Variants in CFAP44 observed in about 807,000 individuals in gnomAD.
The protein encoded by CFAP44 is cilia and flagella associated protein 44, also known as cilia- and flagella-associated protein 44.
Under a neutral mutation model 216.2 loss-of-function variants are expected in CFAP44, and 134 were observed. That is an observed-to-expected ratio of 0.62 (90% confidence interval 0.54 to 0.72). The LOEUF is 0.72. Among genes scored for constraint, CFAP44 ranks in the 30% least tolerant of loss-of-function variants. The pLI is 0.00. For synonymous variants in CFAP44, 700 were observed against 727.6 expected, an observed-to-expected ratio of 0.96 and a Z score of 0.61; for missense variants, 2,035 against 2,182.1, an observed-to-expected ratio of 0.93 and a Z score of 1.34.
intron 28 of CFAP44, among the ~76,000 whole-genome samples, chr3:113,324,015 G>T (rs1418285453): frequency 2.8e-5 from 4 of 143,476 alleles, no homozygotes; most frequent in African/African-American, 1.1e-4. Flanking sequence ...CCGCACTCCA[G>T]CCTGGTGACA....
At chr3:113,353,590 T>C (rs938119945) in intron 22 of CFAP44, among the ~76,000 whole-genome samples, 3 of 152,156 alleles carry the variant, frequency 2.0e-5, no homozygotes, top group African/African-American at 7.2e-5. Flanking sequence ...ACCACTTTCA[T>C]CTTTTAGCAG....
rs1186000006 is a variant in CFAP44 at position 113,292,898 on chromosome 3, A to C, written c.5374-1150T>G. 2.0e-5 allele frequency among the ~76,000 whole-genome samples: 3 copies of C among 152,328 alleles called. No individual in the cohort carries two copies. The East Asian group carries it at 5.8e-4, about 29-fold the overall frequency. ...TAATCTGAAACTTTTGCTCCTTAAT[A>C]AAAGGGACAGAAGAGGCTGGTGCAT... On this transcript the variant is annotated intron_variant, in intron 34 of 34. Transcript: ENST00000393845.
chr3:113,362,813 A>T lies in CFAP44; in HGVS notation c.2934+332T>A, dbSNP rs1034035472. 49 of 1,007,290 alleles carry T rather than the reference A, an allele frequency of 4.9e-5. No individual in the cohort carries two copies. The African/African-American group carries it at 7.6e-4, about 16-fold the overall frequency. 62.4% of individuals were successfully genotyped at this position (1,007,290 alleles called of 1,614,324 possible). A position where few individuals can be genotyped will look rare whatever the true frequency, so the allele number is the denominator to read the frequency against. On this transcript the variant is annotated intron_variant, in intron 21 of 34. Coordinates refer to ENST00000393845, the MANE Select transcript of CFAP44 (RefSeq NM_001164496.2). The stretch of plus-strand genomic sequence containing the variant: ...ACGCTTCAGGCCAATTTTTGTTTAT[A>T]CTTCAGTGTATCTGTTATTCATGTC...
intron 15 of CFAP44, among the ~76,000 whole-genome samples, chr3:113,384,824 T>C (rs974380083): frequency 6.6e-6 from 1 of 152,144 alleles, no homozygotes; most frequent in Non-Finnish European, 1.5e-5. Flanking sequence ...GCTGTGAAAG[T>C]GTGTGGGCAA....
chr3:113,309,352 G>A (rs947544190), intron 28 of CFAP44, among the ~76,000 whole-genome samples: 8 of 152,050 alleles, frequency 5.3e-5, no homozygotes, highest in South Asian at 2.1e-4. Context: ...GTCCACTGAC[G>A]CCCACTCTGT....
chr3:113,431,946 T>A (rs1241229774), intron 2 of CFAP44, among the ~76,000 whole-genome samples: 1 of 152,198 alleles, frequency 6.6e-6, no homozygotes, highest in African/African-American at 2.4e-5. Flanking sequence ...CCTCCTTTTT[T>A]CTTCCATTGC....
At chr3:113,434,886 A>C (rs1935197751) in intron 1 of CFAP44, 1 of 152,234 alleles carries the variant, frequency 6.6e-6, no homozygotes, top group African/African-American at 2.4e-5. Context: ...TGCCTAAAGC[A>C]GATATGGTAC....
chr3:113,293,138 C>T (rs952216323), intron 34 of CFAP44, among the ~76,000 whole-genome samples: 1 of 152,234 alleles, frequency 6.6e-6, no homozygotes, highest in African/African-American at 2.4e-5. Flanking sequence ...AAGCATGCCT[C>T]ATACACCAAC....
At chr3:113,372,899 T>G (rs1212915799) in intron 18 of CFAP44, among the ~76,000 whole-genome samples, 1 of 152,102 alleles carries the variant, frequency 6.6e-6, no homozygotes, top group African/African-American at 2.4e-5. Flanking sequence ...CCTCCAGAAC[T>G]GTGAGAAAAA....
intron 28 of CFAP44, among the ~76,000 whole-genome samples, chr3:113,321,336 A>G (rs1240759602): frequency 1.3e-5 from 2 of 152,226 alleles, no homozygotes; most frequent in African/African-American, 2.4e-5. Context: ...TCATAATAAA[A>G]ATCCTTGACA....
At chr3:113,358,346 G>C (rs1240356109) in intron 22 of CFAP44, among the ~76,000 whole-genome samples, 2 of 151,840 alleles carry the variant, frequency 1.3e-5, no homozygotes, top group African/African-American at 4.8e-5. Flanking sequence ...CATTCCCCTG[G>C]AAGTCAAATT....
intron 32 of CFAP44, among the ~76,000 whole-genome samples, chr3:113,303,371 A>G (rs1949956254): frequency 6.6e-6 from 1 of 152,236 alleles, no homozygotes; most frequent in Non-Finnish European, 1.5e-5. Flanking sequence ...ATATTCATAA[A>G]TGGAATTTTG....
At chr3:113,419,666 G>C (rs1445440407) in intron 5 of CFAP44, among the ~76,000 whole-genome samples, 1 of 152,126 alleles carries the variant, frequency 6.6e-6, no homozygotes, top group South Asian at 2.1e-4. Flanking sequence ...CCATGTGCCT[G>C]CTTCAGTCTT....
At position 113,403,920 on chromosome 3, in the gene CFAP44, C is replaced by G; in HGVS notation, c.1102G>C (p.Gly368Arg). The G allele has an allele frequency of 6.2e-7, 1 of 1,614,136 alleles. No homozygotes were observed. Among genetic ancestry groups the G allele is most frequent in the Non-Finnish European group, 8.5e-7 (1 of 1,180,006 alleles). Residue 368 changes from glycine (G) to arginine (R), a missense_variant, in exon 9 of 35, where the codon GGT (glycine) becomes CGT (arginine). Coordinates refer to ENST00000393845, the MANE Select transcript of CFAP44 (RefSeq NM_001164496.2). ...TACAGCATTATCTGGTTAATGGGAC[C>G]ATTGTGACATGACTTGCTTGTCCCT... ...CRGTSKSCHN[G>R]PINQIMLYEG...
intron 6 of CFAP44, among the ~76,000 whole-genome samples, chr3:113,414,343 C>T (rs957069358): frequency 1.4e-4 from 22 of 152,094 alleles, no homozygotes; most frequent in African/African-American, 4.6e-4. Context: ...TATTTGAATA[C>T]GCTTCATTTC....
intron 23 of CFAP44, among the ~76,000 whole-genome samples, chr3:113,343,009 TA>T (rs200097595): frequency 0.031 from 4,071 of 129,576 alleles, 102 homozygotes; most frequent in East Asian, 0.11. Context: ...AATAAAAAAT[TA>T]AAAAAAAATG....
At chr3:113,366,360 C>A in intron 18 of CFAP44, 51 bp from the exon 19 acceptor site, 2 of 1,555,120 alleles carry the variant, frequency 1.3e-6, no homozygotes, top group Non-Finnish European at 1.7e-6. Context: ...GAAAATAATG[C>A]TTAATTTCAA....
chr3:113,395,097 C>T (rs1031318710), intron 15 of CFAP44, among the ~76,000 whole-genome samples: 4 of 152,222 alleles, frequency 2.6e-5, no homozygotes, highest in African/African-American at 7.2e-5. Context: ...GGATTACCAA[C>T]GTTACTCCAA....
intron 32 of CFAP44, among the ~76,000 whole-genome samples, chr3:113,299,248 C>T (rs944650077): frequency 6.6e-6 from 1 of 152,074 alleles, no homozygotes; most frequent in Non-Finnish European, 1.5e-5. Flanking sequence ...TTTAAATGGG[C>T]AAAAGATCTG....
Sources: allele counts gnomAD v4.1 joint callset (sites outside exome capture counted in the v4.1 genomes callset), GRCh38; gene constraint gnomAD v4.1.1; transcripts MANE v1.5; gene names NCBI Gene and HGNC (gene_info 2026-07-23, HGNC 2026-07-21).